MEGF10: variants seen among roughly 807,000 people sequenced by gnomAD.
MEGF10 encodes the protein multiple EGF like domains 10.
Under a neutral mutation model 147.5 loss-of-function variants are expected in MEGF10, and 86 were observed. The observed-to-expected ratio is 0.58, with a 90% CI of 0.49 to 0.70. The LOEUF (loss-of-function observed/expected upper bound fraction) is 0.70. Ranked by LOEUF, MEGF10 falls within the 30% of genes least tolerant of loss-of-function variation. The pLI is 0.00. For missense variants in MEGF10, 1,329 were observed against 1,487.3 expected, an observed-to-expected ratio of 0.89 and a Z score of 1.75; for synonymous variants, 478 against 525.5, an observed-to-expected ratio of 0.91 and a Z score of 1.24.
At chr5:127,404,196 T>C (rs922387762) in intron 8 of MEGF10, among the ~76,000 whole-genome samples, 10 of 151,784 alleles carry the variant, frequency 6.6e-5, no homozygotes, top group Non-Finnish European at 1.2e-4. Context: ...TAGTTTTGAT[T>C]TGCATTTCTC....
chr5:127,378,300 TATA>T (rs1355564262), intron 5 of MEGF10, among the ~76,000 whole-genome samples: 1 of 152,130 alleles, frequency 6.6e-6, no homozygotes, highest in Non-Finnish European at 1.5e-5. Context: ...CATGGCAGTA[TATA>T]ATGACAAGTA....
chr5:127,431,153 A>G (rs574495455), intron 13 of MEGF10, among the ~76,000 whole-genome samples: 1 of 152,306 alleles, frequency 6.6e-6, no homozygotes, highest in Admixed American at 6.5e-5. Context: ...TTACCAGGAT[A>G]TAGTTGATTA....
chr5:127,358,872 A>T (rs1580758899), intron 4 of MEGF10, among the ~76,000 whole-genome samples: 1 of 152,120 alleles, frequency 6.6e-6, no homozygotes, highest in Non-Finnish European at 1.5e-5. Context: ...CTTAAATCTG[A>T]CTCAACCTAT....
chr5:127,242,606 TA>T, the MEGF10 span, among the ~76,000 whole-genome samples: 1 of 152,236 alleles, frequency 6.6e-6, no homozygotes, highest in Non-Finnish European at 1.5e-5. Flanking sequence ...TAAACACAAC[TA>T]AGCCTTTAGA....
At chr5:127,433,614 C>T (rs990792461) in intron 14 of MEGF10, 105 bp downstream of exon 14, 9 of 1,341,810 alleles carry the variant, frequency 6.7e-6, no homozygotes, top group Non-Finnish European at 9.1e-6. Flanking sequence ...TGTCCTGTTG[C>T]AGTTGAAGGC....
intron 4 of MEGF10, among the ~76,000 whole-genome samples, chr5:127,353,796 T>C: frequency 6.6e-6 from 1 of 152,216 alleles, no homozygotes; most frequent in East Asian, 1.9e-4. Context: ...AAAGTTCAAG[T>C]TCTAATGGGG....
intron 22 of MEGF10, among the ~76,000 whole-genome samples, chr5:127,449,646 T>A (rs73348755): frequency 0.069 from 10,506 of 152,262 alleles, 1,221 homozygotes; most frequent in African/African-American, 0.24. Flanking sequence ...TATTGGACCC[T>A]GTCAGCTTGG....
intron 2 of MEGF10, among the ~76,000 whole-genome samples, chr5:127,338,115 A>T (rs1367284197): frequency 1.3e-5 from 2 of 152,080 alleles, no homozygotes; most frequent in Non-Finnish European, 2.9e-5. Context: ...TCTAACCTGA[A>T]TTCTTCATGC....
At chr5:127,287,408 T>C (rs1430157704), upstream of MEGF10, among the ~76,000 whole-genome samples, 2 of 151,944 alleles carry the variant, frequency 1.3e-5, no homozygotes, top group African/African-American at 4.8e-5. Context: ...AATGTGAGGG[T>C]ACTGCACAAA....
rs142221815 is a variant in MEGF10 at position 127,398,685 on chromosome 5, T to A, written c.669T>A (p.Asp223Glu). 6.5e-5 allele frequency: 105 copies of A among 1,613,984 alleles called. No homozygotes were observed. In the African/African-American group the frequency reaches 1.3e-3, roughly 20 times the overall value. ...CATGTTAATCCCTCAGCTGTGAGGA[T>A]CTTTGTCCTCCTGGTAAACATGGTC... is the stretch of plus-strand genomic sequence containing the variant. ...PPGYTGAFCE[D>E]LCPPGKHGPQ... The change falls in exon 7 of 25, where the codon GAT becomes GAA. Residue 223 changes from aspartate to glutamate, a missense_variant. By Grantham distance (45) the Asp-to-Glu change is conservative. Transcript: ENST00000503335.
chr5:127,342,855 GCTAATATAT>G (rs1198311348), intron 4 of MEGF10, among the ~76,000 whole-genome samples: 1 of 151,958 alleles, frequency 6.6e-6, no homozygotes, highest in Non-Finnish European at 1.5e-5. Context: ...CTTTAGATAT[GCTAATATAT>G]TTAATCAGCT....
At chr5:127,429,922 T>C (rs952450699) in intron 13 of MEGF10, among the ~76,000 whole-genome samples, 1 of 152,172 alleles carries the variant, frequency 6.6e-6, no homozygotes, top group African/African-American at 2.4e-5. Context: ...CTCTATAGCA[T>C]GGCGCTCTTG....
At chr5:127,247,317 A>AG in the MEGF10 span, among the ~76,000 whole-genome samples, 1 of 102,988 alleles carries the variant, frequency 9.7e-6, no homozygotes, top group East Asian at 2.5e-4. Flanking sequence ...AGAGAAAGAG[A>AG]GAGAAGAAGA....
intron 17 of MEGF10, among the ~76,000 whole-genome samples, chr5:127,439,834 C>T (rs1161509695): frequency 1.3e-5 from 2 of 152,104 alleles, no homozygotes; most frequent in African/African-American, 4.8e-5. Context: ...GCATTTCTGG[C>T]CTGCTGTAAA....
At chr5:127,403,999 T>C (rs1764229322) in intron 8 of MEGF10, among the ~76,000 whole-genome samples, 1 of 152,098 alleles carries the variant, frequency 6.6e-6, no homozygotes, top group Non-Finnish European at 1.5e-5. Flanking sequence ...CAATTTTTAG[T>C]TTTTTGAGGA....
chr5:127,326,803 T>C (rs1252795659), intron 1 of MEGF10, among the ~76,000 whole-genome samples: 1 of 152,184 alleles, frequency 6.6e-6, no homozygotes, highest in Non-Finnish European at 1.5e-5. Flanking sequence ...GATATGTGAG[T>C]AGCAGAAAAT....
intron 1 of MEGF10, among the ~76,000 whole-genome samples, chr5:127,318,575 A>G (rs966495980): frequency 3.3e-5 from 5 of 152,204 alleles, no homozygotes; most frequent in Admixed American, 3.3e-4. Flanking sequence ...AAACTTGTAA[A>G]ATCATCCTAG....
In MEGF10 at chr5:127,398,145, A is replaced by G. The variant is rs564244213; in HGVS notation, c.660-531A>G. Among the ~76,000 whole-genome samples the G allele has an allele frequency of 2.6e-5, 4 of 152,252 alleles. No homozygotes were observed. In the East Asian group the frequency reaches 7.7e-4, roughly 29 times the overall value. On this transcript the variant is annotated intron_variant, in intron 6 of 24. Transcript: ENST00000503335. ...GGCTTAAAACCTAGATGACAGGTTG[A>G]TAGGTGCAGCAAACCGCCATGGCAC...
At chr5:127,259,163 A>G in the MEGF10 span, among the ~76,000 whole-genome samples, 1 of 152,178 alleles carries the variant, frequency 6.6e-6, no homozygotes, top group African/African-American at 2.4e-5. Context: ...ACCCTCCATG[A>G]TGCAGGATTG....
Sources: allele counts gnomAD v4.1 joint callset (sites outside exome capture counted in the v4.1 genomes callset), GRCh38; gene constraint gnomAD v4.1.1; transcripts MANE v1.5; gene names NCBI Gene and HGNC (gene_info 2026-07-23, HGNC 2026-07-21).